Variants in COL6A6 observed in about 807,000 individuals in gnomAD.
COL6A6 encodes collagen alpha-6(VI) chain.
COL6A6 carries 183 observed loss-of-function variants against 208.6 expected under a neutral mutation model. The ratio of observed to expected loss-of-function variants is 0.88; its 90% CI spans 0.78 to 0.99. COL6A6 has a LOEUF of 0.99. COL6A6 is among the 50% of genes least tolerant of loss of function. COL6A6 has a pLI of 0.00. For synonymous variants in COL6A6, 973 were observed against 1,011.8 expected (o/e 0.96, Z 0.73); for missense variants, 2,816 against 2,815.2 (o/e 1.00, Z -0.01).
At chr3:130,634,516 G>C in intron 26 of COL6A6, 74 bp from the exon 27 acceptor site, 1 of 1,346,684 alleles carries the variant, frequency 7.4e-7, no homozygotes, top group Non-Finnish European at 1.0e-6. Flanking sequence ...CAGGGCAGCA[G>C]GTAAATTGAA....
intron 36 of COL6A6, among the ~76,000 whole-genome samples, chr3:130,668,533 G>A (rs995582753): frequency 6.6e-6 from 1 of 151,944 alleles, no homozygotes; most frequent in Non-Finnish European, 1.5e-5. Flanking sequence ...ACAATATAAG[G>A]AAATGGAGAG....
At chr3:130,589,679 A>G (rs1256519186) in intron 12 of COL6A6, among the ~76,000 whole-genome samples, 1 of 152,246 alleles carries the variant, frequency 6.6e-6, no homozygotes, top group African/African-American at 2.4e-5. Flanking sequence ...TCACAGATAT[A>G]TAAACAAAAA....
At chr3:130,645,094 A>G (rs2065429052) in intron 32 of COL6A6, 92 bp downstream of exon 32, 13 of 1,245,040 alleles carry the variant, frequency 1.0e-5, no homozygotes, top group Non-Finnish European at 1.5e-5. Context: ...TGGCTTCCAA[A>G]TGACACAAAT....
At chr3:130,543,030 C>T (rs139948080) in intron 1 of COL6A6, among the ~76,000 whole-genome samples, 147 of 151,678 alleles carry the variant, frequency 9.7e-4, no homozygotes, top group African/African-American at 3.1e-3. Flanking sequence ...CTCAGCCTCC[C>T]GAGTAGCTAG....
chr3:130,543,940 T>C (rs1301708846), intron 1 of COL6A6, among the ~76,000 whole-genome samples: 2 of 152,214 alleles, frequency 1.3e-5, no homozygotes, highest in East Asian at 1.9e-4. Context: ...TTTTAAGATA[T>C]GCAACATGAT....
In COL6A6 at chr3:130,656,703, C is replaced by A. The variant is rs150557965; in HGVS notation, c.5734-1973C>A. Among the ~76,000 whole-genome samples, 365 of 152,324 alleles carry A rather than the reference C, an allele frequency of 2.4e-3. 2 individuals carry two copies. The highest frequency in any genetic ancestry group is 2.7e-3 in the Non-Finnish European group (186 of 68,024). ...GCCTCCTTCTGTCATCCAGTGGAGC[C>A]CAGGCTGTTTGCACTGAGGGGTGCC... On this transcript the variant is annotated intron_variant, in intron 33 of 36. Transcript: ENST00000358511.
At position 130,675,515 on chromosome 3, in the gene COL6A6, C is replaced by G. The variant is rs2066338227; in HGVS notation, c.*118C>G. 1.5e-6 allele frequency: 1 copy of G among 680,542 alleles called. No homozygotes were observed. The highest frequency in any genetic ancestry group is 2.7e-5 in the East Asian group (1 of 36,600). 42.2% of individuals were successfully genotyped at this position (680,542 alleles called of 1,614,324 possible). A position where few individuals can be genotyped will look rare whatever the true frequency, so the allele number is the denominator to read the frequency against. The stretch of plus-strand genomic sequence containing the variant: ...TGTAGGTTATCAGGTGACTTGACCC[C>G]CTGCATTCATTGGTATTAAGATATA... On this transcript the variant is annotated 3_prime_UTR_variant, in exon 37 of 37. Transcript: ENST00000358511.
At chr3:130,624,261 G>T (rs1301088138) in intron 24 of COL6A6, among the ~76,000 whole-genome samples, 2 of 152,146 alleles carry the variant, frequency 1.3e-5, no homozygotes, top group Non-Finnish European at 2.9e-5. Context: ...AGAGGAGATT[G>T]AAAATGTAAG....
At chr3:130,584,701 G>A (rs548088539) in intron 10 of COL6A6, among the ~76,000 whole-genome samples, 14 of 151,834 alleles carry the variant, frequency 9.2e-5, no homozygotes, top group Admixed American at 7.9e-4. Context: ...TGCAAGCTCC[G>A]CCTCCCAGGT....
At chr3:130,592,028 TG>T (rs1157657145) in intron 13 of COL6A6, among the ~76,000 whole-genome samples, 2 of 152,170 alleles carry the variant, frequency 1.3e-5, no homozygotes, top group African/African-American at 4.8e-5. Flanking sequence ...AAGATATATG[TG>T]GCAAGTAAGA....
intron 21 of COL6A6, among the ~76,000 whole-genome samples, 180 bp from the exon 22 acceptor site, chr3:130,608,722 T>G (rs554734408): frequency 6.6e-6 from 1 of 151,274 alleles, no homozygotes; most frequent in South Asian, 2.1e-4. Context: ...CTGATGAGAT[T>G]ATAGATTTTT....
At chr3:130,647,050 C>T (rs1165549647) in intron 32 of COL6A6, among the ~76,000 whole-genome samples, 1 of 152,082 alleles carries the variant, frequency 6.6e-6, no homozygotes, top group Non-Finnish European at 1.5e-5. Flanking sequence ...TCCTTGCCTC[C>T]CTGTTCTTTT....
At chr3:130,554,132 C>G (rs1259287463) in intron 1 of COL6A6, among the ~76,000 whole-genome samples, 2 of 152,172 alleles carry the variant, frequency 1.3e-5, no homozygotes, top group African/African-American at 4.8e-5. Context: ...TAGTGCTAGC[C>G]AAAGTGCTTT....
intron 1 of COL6A6, among the ~76,000 whole-genome samples, chr3:130,523,469 A>C (rs1360844557): frequency 6.6e-6 from 1 of 152,194 alleles, no homozygotes; most frequent in African/African-American, 2.4e-5. Flanking sequence ...TTACTAGCTG[A>C]TGATCATGGG....
At chr3:130,541,822 GTTTATTA>G (rs1417052994) in intron 1 of COL6A6, among the ~76,000 whole-genome samples, 1 of 152,198 alleles carries the variant, frequency 6.6e-6, no homozygotes, top group African/African-American at 2.4e-5. Context: ...TGTTTTGGAA[GTTTATTA>G]TTTATTTACT....
At chr3:130,555,274 C>G (rs1338198686) in intron 1 of COL6A6, among the ~76,000 whole-genome samples, 2 of 152,136 alleles carry the variant, frequency 1.3e-5, no homozygotes, top group African/African-American at 4.8e-5. Flanking sequence ...TTGCTCCTCA[C>G]CTGTTGAACT....
chr3:130,529,172 C>A lies in COL6A6; in HGVS notation c.-32+11775C>A, dbSNP rs2062027158. Among the ~76,000 whole-genome samples the A allele has an allele frequency of 3.3e-5, 5 of 151,312 alleles. No homozygotes were observed. In the Admixed American group the frequency reaches 3.3e-4, roughly 10 times the overall value. ...TATTCTCTTTGCCCTAGGAGATAGG[C>A]AAGGCAAAATGACTCCATCTTTTCT... On this transcript the variant is annotated intron_variant, in intron 1 of 36. Transcript: ENST00000358511.
rs370754137 is a variant in COL6A6 at position 130,591,075 on chromosome 3, T to C, written c.4253T>C (p.Leu1418Pro). Residue 1418 changes from leucine to proline, a missense_variant, in exon 13 of 37, where the codon CTG (leucine) becomes CCG (proline). Transcript: ENST00000358511. The stretch of plus-strand genomic sequence containing the variant: ...GGTTTTAAAGGCAGTGAAGGCTACC[T>C]GGGAGAGGAGGGAATCGCTGTAAGT... ...PPGFKGSEGYLGEEGIAGERG... is the reference protein window; with the variant it reads ...PPGFKGSEGYPGEEGIAGERG... The C allele has an allele frequency of 2.4e-4, 374 of 1,584,546 alleles. 4 individuals are homozygous for C. The highest frequency in any genetic ancestry group is 1.1e-3 in the South Asian group (93 of 86,572).
At position 130,576,826 on chromosome 3, in the gene COL6A6, C is replaced by G. The variant is rs183352301; in HGVS notation, c.3547+2301C>G. ...ACAAATATATTAGGGGATGCCAGTT[C>G]TTTTTAAACTATAAATCCCAAAACA... On this transcript the variant is annotated intron_variant, in intron 8 of 36. Transcript: ENST00000358511. 8.5e-4 allele frequency among the ~76,000 whole-genome samples: 129 copies of G among 152,248 alleles called. 3 individuals carry two copies. The Middle Eastern group carries it at 0.01, about 12-fold the overall frequency.
Sources: allele counts gnomAD v4.1 joint callset (sites outside exome capture counted in the v4.1 genomes callset), GRCh38; gene constraint gnomAD v4.1.1; transcripts MANE v1.5; gene names NCBI Gene and HGNC (gene_info 2026-07-23, HGNC 2026-07-21).